Variants in SIGLEC9 observed in about 807,000 individuals in gnomAD.
The protein encoded by SIGLEC9 is sialic acid binding Ig like lectin 9.
In SIGLEC9, 26 loss-of-function variants were observed where a neutral mutation model predicts 38.3. The observed-to-expected ratio is 0.68, with a 90% CI of 0.50 to 0.94. The LOEUF (loss-of-function observed/expected upper bound fraction) is 0.94, where lower values mean the gene tolerates loss of function less well. Ranked by LOEUF, SIGLEC9 falls within the 40% of genes least tolerant of loss-of-function variation. The pLI is 0.00. For synonymous variants in SIGLEC9, 236 were observed against 248.0 expected (o/e 0.95, Z 0.45); for missense variants, 556 against 585.7 (o/e 0.95, Z 0.52).
chr19:51,121,617 G>A (rs143354356), upstream of SIGLEC9, among the ~76,000 whole-genome samples: 465 of 127,460 alleles, frequency 3.6e-3, 3 homozygotes, highest in African/African-American at 0.014. Flanking sequence ...ATGAAGTTTC[G>A]CTCTTGTCGT....
upstream of SIGLEC9, among the ~76,000 whole-genome samples, chr19:51,123,936 G>T (rs935460540): frequency 6.6e-6 from 1 of 152,094 alleles, no homozygotes; most frequent in African/African-American, 2.4e-5. Context: ...TGCCCATCGC[G>T]GAGGGTGCAT....
intron 3 of SIGLEC9, among the ~76,000 whole-genome samples, chr19:51,126,615 C>T (rs1048944329): frequency 9.2e-5 from 14 of 152,196 alleles, no homozygotes; most frequent in African/African-American, 2.2e-4. Context: ...GGTGGTTTGA[C>T]GTCCGTAGTG....
upstream of SIGLEC9, among the ~76,000 whole-genome samples, chr19:51,120,927 C>T (rs1402301806): frequency 6.6e-6 from 1 of 151,382 alleles, no homozygotes; most frequent in African/African-American, 2.4e-5. The surrounding 1 kb of genome is among the most constrained non-coding windows in gnomAD (Gnocchi z 4.1). Context: ...CTCACTGCAG[C>T]CTCCGCCTTC....
chr19:51,127,076 C>A lies in SIGLEC9; in HGVS notation c.795C>A (p.Gly265=). 1 of 1,614,116 alleles carries A rather than the reference C, an allele frequency of 6.2e-7. No homozygotes were observed. The change falls in exon 4 of 7, where the codon GGC becomes GGA. Residue 265 remains glycine, a synonymous_variant. Coordinates refer to ENST00000250360, the MANE Select transcript of SIGLEC9 (RefSeq NM_014441.3). ...GCTCATCTCTGTCACTCCCAGAGGG[C>A]CAGTCTCTGCGCCTGGTCTGTGCAG... ...GNGSSLSLPE[G]QSLRLVCAVD... is the part of the protein sequence containing the mutation.
chr19:51,125,005 G>A lies in SIGLEC9; in HGVS notation c.31G>A (p.Gly11Arg). 2 of 1,611,102 alleles carry A rather than the reference G, an allele frequency of 1.2e-6. No individual in the cohort carries two copies. The highest frequency in any genetic ancestry group is 1.3e-5 in the African/African-American group (1 of 75,002). MLLLLLPLLW[G>R]RERAEGQTSK... ...GCTGCTGCTGCTGCCCCTGCTCTGG[G>A]GGAGGGAGAGGGCGGAAGGACAGAC... Residue 11 changes from glycine to arginine, a missense_variant, in exon 1 of 7, where the codon GGG (glycine) becomes AGG (arginine). By Grantham distance (125) the Gly-to-Arg change is moderately radical (BLOSUM62 -2). Transcript: ENST00000250360.
chr19:51,129,641 C>T (rs551949835), intron 6 of SIGLEC9, among the ~76,000 whole-genome samples: 2 of 152,154 alleles, frequency 1.3e-5, no homozygotes, highest in East Asian at 3.9e-4. Flanking sequence ...CCTCTGCCTC[C>T]TAGGTTCAAG....
upstream of SIGLEC9, chr19:51,120,673 A>G: frequency 5.6e-6 from 1 of 180,018 alleles, no homozygotes; most frequent in Non-Finnish European, 1.2e-5. This position sits in a 1 kb window ranked among gnomAD's most constrained non-coding sequence, Gnocchi z 4.1. Flanking sequence ...TCCCACAGCC[A>G]TGTGACCATG....
upstream of SIGLEC9, among the ~76,000 whole-genome samples, chr19:51,121,889 C>G (rs1599812621): frequency 6.6e-6 from 1 of 151,982 alleles, no homozygotes; most frequent in Non-Finnish European, 1.5e-5. Context: ...CACCCAGCCT[C>G]TTTGCTGTCT....
intron 3 of SIGLEC9, 23 bp from the exon 4 acceptor site, chr19:51,127,007 A>G: frequency 6.2e-7 from 1 of 1,609,254 alleles, no homozygotes; most frequent in Non-Finnish European, 8.5e-7. Context: ...TATCTCTCTG[A>G]CCCTCTGTCT....
chr19:51,124,101 C>T (rs962237758), upstream of SIGLEC9, among the ~76,000 whole-genome samples: 2 of 152,130 alleles, frequency 1.3e-5, no homozygotes, highest in African/African-American at 4.8e-5. Flanking sequence ...TGAAGAAACC[C>T]TTCGTGGTGC....
chr19:51,124,988 T>A lies in SIGLEC9; in HGVS notation c.14T>A (p.Leu5Gln). 3 of 1,606,604 alleles carry A rather than the reference T, an allele frequency of 1.9e-6. No individual in the cohort carries two copies. The highest frequency in any genetic ancestry group is 2.6e-6 in the Non-Finnish European group (3 of 1,175,638). MLLLLLPLLWGRERA... is the reference protein window; with the variant it reads MLLLQLPLLWGRERA... ...CTAACCCCAGACATGCTGCTGCTGCTGCTGCCCCTGCTCTGGGGGAGGGAG... is the reference window on the plus strand; with the variant it reads ...CTAACCCCAGACATGCTGCTGCTGCAGCTGCCCCTGCTCTGGGGGAGGGAG... The change falls in exon 1 of 7, where the codon CTG becomes CAG. Residue 5 changes from leucine (L) to glutamine (Q), a missense_variant. By Grantham distance (113) the Leu-to-Gln change is moderately radical. Transcript: ENST00000250360.
At chr19:51,122,746 G>A (rs933101672), upstream of SIGLEC9, 1 of 152,370 alleles carries the variant, frequency 6.6e-6, no homozygotes, top group Admixed American at 6.5e-5. This position sits in a 1 kb window ranked among gnomAD's most constrained non-coding sequence, Gnocchi z 4.1. Context: ...TGCCTGTCCT[G>A]GAGGGAGAGT....
At chr19:51,124,226 C>T (rs1052603326), upstream of SIGLEC9, among the ~76,000 whole-genome samples, 10 of 152,196 alleles carry the variant, frequency 6.6e-5, no homozygotes, top group Non-Finnish European at 1.2e-4. Context: ...AGACCTCCTG[C>T]GAGCCAGGCT....
At position 51,127,245 on chromosome 19, in the gene SIGLEC9, G is replaced by C; in HGVS notation, c.964G>C (p.Ala322Pro). 6.2e-7 allele frequency: 1 copy of C among 1,614,162 alleles called. No individual in the cohort carries two copies. Among genetic ancestry groups the C allele is most frequent in the Non-Finnish European group, 8.5e-7 (1 of 1,179,978 alleles). The stretch of plus-strand genomic sequence containing the variant: ...GGATGCAGCTGAATTCACCTGCAGA[G>C]CTCAGAACCCTCTCGGCTCTCAGCA... ...LRDAAEFTCR[A>P]QNPLGSQQVY... is the part of the protein sequence containing the mutation. The change falls in exon 4 of 7, where the codon GCT becomes CCT. Residue 322 changes from alanine to proline, a missense_variant. Coordinates refer to ENST00000250360, the MANE Select transcript of SIGLEC9 (RefSeq NM_014441.3).
Position 51,130,084 on chromosome 19 carries a change from C to A in SIGLEC9, c.*5C>A, listed in dbSNP as rs1414298729. On this transcript the variant is annotated 3_prime_UTR_variant, in exon 7 of 7. Transcript: ENST00000250360. Reference sequence around the variant, plus strand: ...GAGATCAAGATCCACAGATGAGAAACTGCAGAGACTCACCCTGATTGAGGG... The same window carrying A: ...GAGATCAAGATCCACAGATGAGAAAATGCAGAGACTCACCCTGATTGAGGG... 3 of 1,605,546 alleles carry A rather than the reference C, an allele frequency of 1.9e-6. No individual in the cohort carries two copies. The East Asian group carries it at 6.7e-5, about 36-fold the overall frequency.
In SIGLEC9 at chr19:51,128,265, C is replaced by T. The variant is rs188276229; in HGVS notation, c.1107-149C>T. 3,823 of 994,528 alleles carry T rather than the reference C, an allele frequency of 3.8e-3. 8 individuals are homozygous for T. The highest frequency in any genetic ancestry group is 0.012 in the Middle Eastern group (39 of 3,192). The allele number at this position is 994,528 out of a possible 1,614,324, so 61.6% of individuals were successfully genotyped here. On this transcript the variant is annotated intron_variant, in intron 5 of 6. Transcript: ENST00000250360. Reference sequence around the variant, plus strand: ...TGTCCAGGAGAAGAGAGCCTCTGTTCTCAACCTTGGGGTCTCTAAGACTGG... The same window carrying T: ...TGTCCAGGAGAAGAGAGCCTCTGTTTTCAACCTTGGGGTCTCTAAGACTGG...
chr19:51,128,329 T>C, intron 5 of SIGLEC9, 85 bp from the exon 6 acceptor site: 1 of 1,483,358 alleles, frequency 6.7e-7, no homozygotes, highest in Middle Eastern at 2.3e-4. Flanking sequence ...TGCAGTCCCT[T>C]AATAGGAAAC....
chr19:51,125,874 C>A lies in SIGLEC9; in HGVS notation c.699C>A (p.Ser233=), dbSNP rs751270263. The change falls in exon 2 of 7, where the codon TCC becomes TCA. Residue 233 remains serine (S), a splice_region_variant and synonymous_variant. Coordinates refer to ENST00000250360, the MANE Select transcript of SIGLEC9 (RefSeq NM_014441.3). ...TTNKTVHLNV[S]YPPQNLTMTV... Reference sequence around the variant, plus strand: ...ACAAGACCGTCCATCTCAACGTGTCCTGTGAGTGCTGGGCCGGGACGCCTG... The same window carrying A: ...ACAAGACCGTCCATCTCAACGTGTCATGTGAGTGCTGGGCCGGGACGCCTG... 4 of 1,614,032 alleles carry A rather than the reference C, an allele frequency of 2.5e-6. No homozygotes were observed. The African/African-American group carries it at 5.3e-5, about 22-fold the overall frequency.
chr19:51,135,496 C>A (rs1011375819), intron 6 of SIGLEC9, among the ~76,000 whole-genome samples: 6 of 152,148 alleles, frequency 3.9e-5, no homozygotes, highest in African/African-American at 1.4e-4. Context: ...TTCCTTTTAG[C>A]TGCATTGAAT....
Sources: gnomAD v4.1 joint callset for allele counts (sites outside exome capture counted in the v4.1 genomes callset) on GRCh38, gnomAD v4.1.1 for gene constraint, Gnocchi (gnomAD v3.1) non-coding constraint, MANE v1.5 for transcripts, NCBI Gene and HGNC (gene_info 2026-07-23, HGNC 2026-07-21) for gene names.